Variants in RUBCNL observed in about 807,000 individuals in gnomAD.
The protein encoded by RUBCNL is protein associated with UVRAG as autophagy enhancer.
Under a neutral mutation model 69.5 loss-of-function variants are expected in RUBCNL, and 62 were observed. The observed-to-expected ratio is 0.89, with a 90% CI of 0.73 to 1.10. RUBCNL has a LOEUF of 1.10. Ranked by LOEUF, RUBCNL falls within the 50% of genes least tolerant of loss-of-function variation. The probability of loss-of-function intolerance (pLI) is 0.00; values close to 1 mark genes in which losing one functional copy is unlikely to be tolerated. For synonymous variants in RUBCNL, 291 were observed against 303.6 expected, an observed-to-expected ratio of 0.96 and a Z score of 0.43; for missense variants, 768 against 798.1, an observed-to-expected ratio of 0.96 and a Z score of 0.45.
In RUBCNL at chr13:46,384,381, A is replaced by G. The variant is rs186957491; in HGVS notation, c.-239+2753T>C. Among the ~76,000 whole-genome samples the G allele has an allele frequency of 2.2e-3, 337 of 152,348 alleles. 4 individuals are homozygous for G. Among genetic ancestry groups the G allele is most frequent in the South Asian group, 0.012 (57 of 4,832 alleles). Reference sequence around the variant, plus strand: ...TCGGAATAAAAGAACGTAAAAAAGTATAAGAAGAATACATTTCTTTATAAG... The same window carrying G: ...TCGGAATAAAAGAACGTAAAAAAGTGTAAGAAGAATACATTTCTTTATAAG... On this transcript the variant is annotated intron_variant, in intron 1 of 14. Coordinates refer to ENST00000429979, the MANE Select transcript of RUBCNL (RefSeq NM_025113.5).
chr13:46,345,647 A>G, intron 12 of RUBCNL, 47 bp from the exon 13 acceptor site: 1 of 1,584,500 alleles, frequency 6.3e-7, no homozygotes, highest in East Asian at 2.3e-5. Context: ...ACCCACACAG[A>G]GGACAGGGAA....
Position 46,339,233 on chromosome 13 carries a change from T to G in RUBCNL, c.*4152A>C, listed in dbSNP as rs574234585. On this transcript the variant is annotated 3_prime_UTR_variant, in exon 15 of 15. Transcript: ENST00000429979. Reference sequence around the variant, plus strand: ...CTGCAGCCTGCTACCTCAGCATTACTCATAAAAGTATTGTTTTAGTTTCTA... The same window carrying G: ...CTGCAGCCTGCTACCTCAGCATTACGCATAAAAGTATTGTTTTAGTTTCTA... Among the ~76,000 whole-genome samples the G allele has an allele frequency of 1.6e-3, 238 of 152,288 alleles. No homozygotes were observed. Among genetic ancestry groups the G allele is most frequent in the African/African-American group, 5.4e-3 (225 of 41,552 alleles).
chr13:46,372,592 G>T lies in RUBCNL; in HGVS notation c.-117C>A. 2 of 1,461,092 alleles carry T rather than the reference G, an allele frequency of 1.4e-6. No homozygotes were observed. The highest frequency in any genetic ancestry group is 1.8e-6 in the Non-Finnish European group (2 of 1,106,664). The allele number at this position is 1,461,092 out of a possible 1,614,324, so 90.5% of individuals were successfully genotyped here. A position where few individuals can be genotyped will look rare whatever the true frequency, so the allele number is the denominator to read the frequency against. ...ACATGGCCAGCTGGGGGTCTGGAGA[G>T]CTATTCTGCAATGAGCAAGGAATCA... On this transcript the variant is annotated 5_prime_UTR_variant, in exon 3 of 15. Transcript: ENST00000429979.
intron 5 of RUBCNL, among the ~76,000 whole-genome samples, chr13:46,367,267 C>G (rs186227556): frequency 1.3e-5 from 2 of 152,102 alleles, no homozygotes; most frequent in African/African-American, 4.8e-5. Context: ...TGCTCCAGCA[C>G]GCAGACTCCT....
Position 46,337,940 on chromosome 13 carries a change from T to C in RUBCNL, c.*5445A>G, listed in dbSNP as rs113435232. 3.3e-3 allele frequency among the ~76,000 whole-genome samples: 507 copies of C among 152,280 alleles called. 3 individuals carry two copies. Among genetic ancestry groups the C allele is most frequent in the African/African-American group, 0.011 (454 of 41,556 alleles). On this transcript the variant is annotated 3_prime_UTR_variant, in exon 15 of 15. Coordinates refer to ENST00000429979, the MANE Select transcript of RUBCNL (RefSeq NM_025113.5). ...CAAAGGGAGAATAAAGTCTCTCTCA[T>C]AGCTTCCAAGAGACTTTCAAGGGCA...
At chr13:46,376,469 T>C (rs1051879958) in intron 2 of RUBCNL, among the ~76,000 whole-genome samples, 5 of 152,146 alleles carry the variant, frequency 3.3e-5, no homozygotes, top group African/African-American at 1.2e-4. Context: ...GTACAGCTGG[T>C]TGTGTTAACC....
intron 3 of RUBCNL, among the ~76,000 whole-genome samples, chr13:46,369,228 CTTTT>C (rs1363121885): frequency 2.6e-5 from 4 of 152,126 alleles, no homozygotes; most frequent in African/African-American, 7.2e-5. Context: ...TCTTCTTCTT[CTTTT>C]GAGACAATAT....
In RUBCNL at chr13:46,368,748, A is replaced by G; in HGVS notation, c.603T>C (p.Pro201=). Residue 201 remains proline (P), a synonymous_variant, in exon 4 of 15, where the codon CCT becomes CCC. Coordinates refer to ENST00000429979, the MANE Select transcript of RUBCNL (RefSeq NM_025113.5). ...NSFSPEVFVL[P]VDVEKENAHF... ...TAGCATTCACCTTTTCTACATCAAC[A>G]GGCAGCACAAATACCTCTGGTGAGA... 1 of 1,613,560 alleles carries G rather than the reference A, an allele frequency of 6.2e-7. No homozygotes were observed. The highest frequency in any genetic ancestry group is 8.5e-7 in the Non-Finnish European group (1 of 1,179,556).
chr13:46,343,950 C>T (rs762432553), intron 14 of RUBCNL, among the ~76,000 whole-genome samples: 5 of 152,146 alleles, frequency 3.3e-5, no homozygotes, highest in South Asian at 2.1e-4. Flanking sequence ...CAGTTTGGAA[C>T]AATGCTGAAA....
At chr13:46,374,096 T>C (rs904580423) in intron 2 of RUBCNL, among the ~76,000 whole-genome samples, 2 of 152,222 alleles carry the variant, frequency 1.3e-5, no homozygotes, top group African/African-American at 4.8e-5. Flanking sequence ...AGCTTCCCAA[T>C]AGATTTCTCT....
intron 10 of RUBCNL, among the ~76,000 whole-genome samples, chr13:46,353,636 C>T (rs1435760940): frequency 2.0e-5 from 3 of 152,184 alleles, no homozygotes; most frequent in Admixed American, 1.3e-4. Flanking sequence ...CTACAGTGCA[C>T]AGGACCCCCC....
Position 46,343,382 on chromosome 13 carries a change from G to T in RUBCNL, c.*3C>A. On this transcript the variant is annotated 3_prime_UTR_variant, in exon 15 of 15. Transcript: ENST00000429979. ...ACAGTCTTTTTCACAGTACTCAGGG[G>T]CATCATGTTGCTGCAGAGGCCACAC... 1.2e-6 allele frequency: 2 copies of T among 1,612,668 alleles called. No homozygotes were observed. Among genetic ancestry groups the T allele is most frequent in the Non-Finnish European group, 1.7e-6 (2 of 1,179,322 alleles).
Position 46,337,939 on chromosome 13 carries a change from A to G in RUBCNL, c.*5446T>C, listed in dbSNP as rs972572426. Among the ~76,000 whole-genome samples the G allele has an allele frequency of 2.0e-5, 3 of 152,210 alleles. No homozygotes were observed. Among genetic ancestry groups the G allele is most frequent in the Non-Finnish European group, 2.9e-5 (2 of 68,032 alleles). On this transcript the variant is annotated 3_prime_UTR_variant, in exon 15 of 15. Coordinates refer to ENST00000429979, the MANE Select transcript of RUBCNL (RefSeq NM_025113.5). ...GCAAAGGGAGAATAAAGTCTCTCTC[A>G]TAGCTTCCAAGAGACTTTCAAGGGC...
upstream of RUBCNL, chr13:46,389,988 C>T (rs1027219477): frequency 6.6e-6 from 1 of 152,244 alleles, no homozygotes; most frequent in African/African-American, 2.4e-5. The surrounding 1 kb of genome is among the most constrained non-coding windows in gnomAD (Gnocchi z 4.2). Context: ...ACAGTGCCCT[C>T]CAAGACACAG....
At chr13:46,380,394 C>A (rs1407178391) in intron 1 of RUBCNL, among the ~76,000 whole-genome samples, 1 of 152,122 alleles carries the variant, frequency 6.6e-6, no homozygotes, top group Non-Finnish European at 1.5e-5. Context: ...AAATGGAGAC[C>A]ATTAGGGGAC....
At chr13:46,373,827 G>A (rs538697866) in intron 2 of RUBCNL, among the ~76,000 whole-genome samples, 203 of 152,270 alleles carry the variant, frequency 1.3e-3, no homozygotes, top group Non-Finnish European at 2.3e-3. Flanking sequence ...CTGATTTCCC[G>A]GCTAGCAAAT....
chr13:46,365,469 C>CT (rs2048733214), intron 5 of RUBCNL, among the ~76,000 whole-genome samples: 1 of 152,174 alleles, frequency 6.6e-6, no homozygotes, highest in South Asian at 2.1e-4. Flanking sequence ...GCAGATGGCA[C>CT]TGGAGCATTC....
intron 2 of RUBCNL, among the ~76,000 whole-genome samples, chr13:46,375,165 G>T (rs1161326319): frequency 6.6e-6 from 1 of 152,136 alleles, no homozygotes; most frequent in African/African-American, 2.4e-5. Flanking sequence ...CCCATACCTA[G>T]AGCTGCATAT....
At chr13:46,383,804 A>G (rs2049173867) in intron 1 of RUBCNL, among the ~76,000 whole-genome samples, 1 of 152,262 alleles carries the variant, frequency 6.6e-6, no homozygotes, top group Non-Finnish European at 1.5e-5. Context: ...AGTATAATAG[A>G]CGACACATGG....
Sources: gnomAD v4.1 joint callset for allele counts (sites outside exome capture counted in the v4.1 genomes callset) on GRCh38, gnomAD v4.1.1 for gene constraint, Gnocchi (gnomAD v3.1) non-coding constraint, MANE v1.5 for transcripts, NCBI Gene and HGNC (gene_info 2026-07-23, HGNC 2026-07-21) for gene names.